SGCB: variants seen among roughly 807,000 people sequenced by gnomAD.
SGCB encodes sarcoglycan beta, also known as beta-sarcoglycan.
Under a neutral mutation model 27.3 loss-of-function variants are expected in SGCB, and 25 were observed. The ratio of observed to expected loss-of-function variants is 0.92; its 90% confidence interval spans 0.67 to 1.28. The LOEUF is 1.28. SGCB is among the 50% of genes most tolerant of loss of function. The pLI is 0.00. For missense variants in SGCB, 436 were observed against 402.1 expected (o/e 1.08, Z -0.72); for synonymous variants, 147 against 133.5 (o/e 1.10, Z -0.70).
intron 2 of SGCB, among the ~76,000 whole-genome samples, chr4:52,030,612 T>C (rs143460652): frequency 1.9e-4 from 29 of 152,330 alleles, no homozygotes; most frequent in African/African-American, 7.0e-4. Flanking sequence ...ATTAGTTCTA[T>C]TTTTCTCTCT....
Position 52,038,245 on chromosome 4 carries a change from C to A in SGCB, c.15G>T (p.Ala5=). Residue 5 remains alanine, a synonymous_variant, in exon 1 of 6, where the codon GCG becomes GCT. Coordinates refer to ENST00000381431, the MANE Select transcript of SGCB (RefSeq NM_000232.5). ...CACAGACCTGTTCTGCAGCCGCCGC[C>A]GCCGCTGCCGCCATCTTCCCGCGCC... MAAA[A]AAAAEQQSSN... 1 of 1,292,950 alleles carries A rather than the reference C, an allele frequency of 7.7e-7. No homozygotes were observed. The highest frequency in any genetic ancestry group is 2.5e-5 in the South Asian group (1 of 40,442). The allele number at this position is 1,292,950 out of a possible 1,614,324, so 80.1% of individuals were successfully genotyped here. A position where few individuals can be genotyped will look rare whatever the true frequency, so the allele number is the denominator to read the frequency against.
rs1189774563 is a variant in SGCB at position 52,022,897 on chromosome 4, T to C, written c.*1060A>G. 6.6e-6 allele frequency: 1 copy of C among 152,212 alleles called. No individual in the cohort carries two copies. Among genetic ancestry groups the C allele is most frequent in the African/African-American group, 2.4e-5 (1 of 41,456 alleles). 9.4% of individuals were successfully genotyped at this position (152,212 alleles called of 1,614,324 possible). A position where few individuals can be genotyped will look rare whatever the true frequency, so the allele number is the denominator to read the frequency against. ...AACATAGCTTACAATCGGACAGTGATTGGTCCTTTCTGGGTCTGACATGAG... is the reference window on the plus strand; with the variant it reads ...AACATAGCTTACAATCGGACAGTGACTGGTCCTTTCTGGGTCTGACATGAG... On this transcript the variant is annotated 3_prime_UTR_variant, in exon 6 of 6. Coordinates refer to ENST00000381431, the MANE Select transcript of SGCB (RefSeq NM_000232.5).
intron 5 of SGCB, 112 bp downstream of exon 5, chr4:52,027,856 A>G: frequency 2.0e-6 from 2 of 1,016,574 alleles, no homozygotes; most frequent in Non-Finnish European, 3.0e-6. Flanking sequence ...ACATCTTTCC[A>G]TGTCAAAAAA....
At chr4:52,033,340 G>C in intron 2 of SGCB, 91 bp downstream of exon 2, 1 of 818,384 alleles carries the variant, frequency 1.2e-6, no homozygotes. Context: ...GACATGTATA[G>C]AAAAGGAGAA....
chr4:52,032,657 T>C (rs376025460), intron 2 of SGCB, among the ~76,000 whole-genome samples: 58 of 152,260 alleles, frequency 3.8e-4, no homozygotes, highest in African/African-American at 1.3e-3. Flanking sequence ...TGGACATACA[T>C]AAATACAAAA....
chr4:52,025,835 C>G (rs1737075085), intron 5 of SGCB, among the ~76,000 whole-genome samples: 1 of 152,152 alleles, frequency 6.6e-6, no homozygotes, highest in Admixed American at 6.5e-5. Flanking sequence ...TCTGTATCTT[C>G]TGAAGGTAGA....
chr4:52,023,703 A>G lies in SGCB; in HGVS notation c.*254T>C. The G allele has an allele frequency of 2.2e-6, 1 of 445,664 alleles. No homozygotes were observed. The highest frequency in any genetic ancestry group is 4.1e-6 in the Non-Finnish European group (1 of 245,616). The allele number at this position is 445,664 out of a possible 1,614,324, so 27.6% of individuals were successfully genotyped here. The stretch of plus-strand genomic sequence containing the variant: ...GAATTTTAAAAACACGTCTTTAAAC[A>G]TGACTTTTGATTTTATTTGCTTCTC... On this transcript the variant is annotated 3_prime_UTR_variant, in exon 6 of 6. Coordinates refer to ENST00000381431, the MANE Select transcript of SGCB (RefSeq NM_000232.5).
At chr4:52,031,366 C>T (rs997197770) in intron 2 of SGCB, among the ~76,000 whole-genome samples, 2 of 151,462 alleles carry the variant, frequency 1.3e-5, no homozygotes, top group African/African-American at 4.9e-5. Flanking sequence ...CTACCTATAT[C>T]CATCTACCCA....
intron 5 of SGCB, among the ~76,000 whole-genome samples, 192 bp downstream of exon 5, chr4:52,027,776 T>C (rs1474453287): frequency 6.6e-6 from 1 of 152,184 alleles, no homozygotes; most frequent in Non-Finnish European, 1.5e-5. Context: ...ATACATATGT[T>C]CTGAAAAATA....
intron 1 of SGCB, 118 bp downstream of exon 1, chr4:52,038,109 A>C: frequency 4.9e-5 from 10 of 203,116 alleles, no homozygotes; most frequent in South Asian, 2.0e-4. Context: ...GGCCCCGCCG[A>C]ACCCAGACCC....
Position 52,028,018 on chromosome 4 carries a change from TAA to T in SGCB, c.701_702del (p.Ile234AsnfsTer6). 6.2e-7 allele frequency: 1 copy of T among 1,613,294 alleles called. No individual in the cohort carries two copies. Among genetic ancestry groups the T allele is most frequent in the Non-Finnish European group, 8.5e-7 (1 of 1,179,258 alleles). ...AIVRGNEGVF[I>X]MGKTIEFHMG... ...ATGTGAAATTCAATGGTTTTGCCCA[TAA>T]TGAATACACCTTCATTTCCACGCAC... On this transcript the variant is annotated frameshift_variant, in exon 5 of 6. Coordinates refer to ENST00000381431, the MANE Select transcript of SGCB (RefSeq NM_000232.5). LOFTEE classifies it high-confidence loss of function.
intron 1 of SGCB, among the ~76,000 whole-genome samples, chr4:52,037,535 G>C (rs761299341): frequency 6.6e-6 from 1 of 152,086 alleles, no homozygotes; most frequent in Non-Finnish European, 1.5e-5. Flanking sequence ...TAGCGATTAC[G>C]TGTATGTATA....
At position 52,027,960 on chromosome 4, in the gene SGCB, A is replaced by C. The variant is rs781325990; in HGVS notation, c.753+8T>G. 12 of 1,613,110 alleles carry C rather than the reference A, an allele frequency of 7.4e-6. No homozygotes were observed. The highest frequency in any genetic ancestry group is 1.0e-5 in the Non-Finnish European group (12 of 1,179,274). On this transcript the variant is annotated splice_region_variant and intron_variant, in intron 5 of 5. Transcript: ENST00000381431. Reference sequence around the variant, plus strand: ...ATAATTCTCTTAAGCTCTTAAAAGAATACTCACCGCCTTTAACTCCATATT... The same window carrying C: ...ATAATTCTCTTAAGCTCTTAAAAGACTACTCACCGCCTTTAACTCCATATT...
At chr4:52,035,590 CAG>C (rs1222097185) in intron 1 of SGCB, among the ~76,000 whole-genome samples, 3 of 152,036 alleles carry the variant, frequency 2.0e-5, no homozygotes, top group Non-Finnish European at 4.4e-5. Context: ...AGCACAAATT[CAG>C]AGTGTTAAAG....
rs138604476 is a variant in SGCB at position 52,027,955 on chromosome 4, AAAG to A, written c.753+10_753+12del. 2.9e-4 allele frequency: 460 copies of A among 1,612,864 alleles called. 3 individuals are homozygous for A. The East Asian group carries it at 9.5e-3, about 33-fold the overall frequency. ...ACCTAATAATTCTCTTAAGCTCTTA[AAAG>A]AATACTCACCGCCTTTAACTCCATA... On this transcript the variant is annotated intron_variant, in intron 5 of 5. Coordinates refer to ENST00000381431, the MANE Select transcript of SGCB (RefSeq NM_000232.5).
intron 1 of SGCB, among the ~76,000 whole-genome samples, chr4:52,037,072 G>T (rs1481050327): frequency 6.6e-6 from 1 of 152,168 alleles, no homozygotes; most frequent in Non-Finnish European, 1.5e-5. Context: ...GAACCAGATG[G>T]AAAAACAATC....
rs1737209631 is a variant in SGCB at position 52,030,021 on chromosome 4, A to T, written c.244-158T>A. On this transcript the variant is annotated intron_variant, in intron 2 of 5. Coordinates refer to ENST00000381431, the MANE Select transcript of SGCB (RefSeq NM_000232.5). The stretch of plus-strand genomic sequence containing the variant: ...TAATTTTCCACTTATAAACAAAACG[A>T]ATTTTATTTTTATTAAGGTATTACA... Among the ~76,000 whole-genome samples, 6 of 152,184 alleles carry T rather than the reference A, an allele frequency of 3.9e-5. No homozygotes were observed. The South Asian group carries it at 1.2e-3, about 32-fold the overall frequency.
In SGCB at chr4:52,038,281, G is replaced by T. The variant is rs1193500619; in HGVS notation, c.-22C>A. 5.4e-6 allele frequency: 7 copies of T among 1,291,504 alleles called. No individual in the cohort carries two copies. In the East Asian group the frequency reaches 1.6e-4, roughly 30 times the overall value. The allele number at this position is 1,291,504 out of a possible 1,614,324, so 80.0% of individuals were successfully genotyped here. ...CCATCTTCCCGCGCCCGCCGCCGCCGAGCTCCCCGCCCGACTGTGCCCGCC... is the reference window on the plus strand; with the variant it reads ...CCATCTTCCCGCGCCCGCCGCCGCCTAGCTCCCCGCCCGACTGTGCCCGCC... On this transcript the variant is annotated 5_prime_UTR_variant, in exon 1 of 6. Transcript: ENST00000381431.
Position 52,029,890 on chromosome 4 carries a change from G to C in SGCB, c.244-27C>G, listed in dbSNP as rs748176790. ...TGAAAAAGAACACAAGTCCACTGTT[G>C]GTAGGCCGCATACATTTAATGTAAT... On this transcript the variant is annotated intron_variant, in intron 2 of 5. Transcript: ENST00000381431. The C allele has an allele frequency of 3.3e-6, 5 of 1,537,734 alleles. No homozygotes were observed. The African/African-American group carries it at 5.4e-5, about 17-fold the overall frequency.
Sources: allele counts gnomAD v4.1 joint callset (sites outside exome capture counted in the v4.1 genomes callset), GRCh38; gene constraint gnomAD v4.1.1; transcripts MANE v1.5; gene names NCBI Gene and HGNC (gene_info 2026-07-23, HGNC 2026-07-21).